The following AKAP6 variants were observed in gnomAD, a reference collection of about 807,000 sequenced individuals.
AKAP6 encodes the protein A-kinase anchoring protein 6, also known as A-kinase anchor protein 6.
In AKAP6, 58 loss-of-function variants were observed where a neutral mutation model predicts 188.5. The ratio of observed to expected loss-of-function variants is 0.31; its 90% CI spans 0.25 to 0.38. The LOEUF (loss-of-function observed/expected upper bound fraction) is 0.38, where lower values mean the gene tolerates loss of function less well. Ranked by LOEUF, AKAP6 falls within the 10% of genes least tolerant of loss-of-function variation. The pLI, the probability that AKAP6 is intolerant of heterozygous loss-of-function variation, is 1.00. For missense variants in AKAP6, 2,710 were observed against 2,740.0 expected (o/e 0.99, Z 0.24); for synonymous variants, 989 against 998.6 (o/e 0.99, Z 0.18).
chr14:32,695,474 A>G (rs1050635298), intron 8 of AKAP6, among the ~76,000 whole-genome samples: 9 of 152,238 alleles, frequency 5.9e-5, no homozygotes, highest in African/African-American at 2.2e-4. Flanking sequence ...TTTGGAGCTG[A>G]TAGTGATCCT....
intron 4 of AKAP6, among the ~76,000 whole-genome samples, 200 bp from the exon 5 acceptor site, chr14:32,576,920 T>G (rs1286044476): frequency 6.6e-6 from 1 of 152,154 alleles, no homozygotes; most frequent in Non-Finnish European, 1.5e-5. Flanking sequence ...CATTGACAGT[T>G]TCTTTCCCAT....
chr14:32,665,459 G>A (rs74041654), intron 7 of AKAP6, among the ~76,000 whole-genome samples: 8,181 of 152,004 alleles, frequency 0.054, 764 homozygotes, highest in African/African-American at 0.19. Flanking sequence ...GATGCATAGG[G>A]CGAGAAATAG....
intron 12 of AKAP6, 77 bp downstream of exon 12, chr14:32,773,970 G>A: frequency 4.8e-6 from 7 of 1,460,230 alleles, no homozygotes; most frequent in Non-Finnish European, 6.6e-6. Context: ...CTTGGAAACG[G>A]TGTTCATCTT....
In AKAP6 at chr14:32,773,820, G is replaced by T. The variant is rs753703584; in HGVS notation, c.3515G>T (p.Arg1172Ile). Residue 1172 changes from arginine (R) to isoleucine (I), a missense_variant, in exon 12 of 14, where the codon AGA becomes ATA. By Grantham distance (97) the Arg-to-Ile change is moderately conservative. This residue lies in a region of AKAP6 where 2,473 missense variants were observed against 2,426.1 expected (regional missense o/e 1.02). Coordinates refer to ENST00000280979, the MANE Select transcript of AKAP6 (RefSeq NM_004274.5). ...PMQLIIVNLE[R>I]RWEAIVMQAV... ...CAGCTGATCATTGTAAATCTTGAAAGAAGGTGGGAAGCCATTGTCATGCAA... is the reference window on the plus strand; with the variant it reads ...CAGCTGATCATTGTAAATCTTGAAATAAGGTGGGAAGCCATTGTCATGCAA... 1 of 1,614,112 alleles carries T rather than the reference G, an allele frequency of 6.2e-7. No homozygotes were observed. The highest frequency in any genetic ancestry group is 8.5e-7 in the Non-Finnish European group (1 of 1,179,990).
chr14:32,368,676 G>T (rs1184041999), intron 1 of AKAP6, among the ~76,000 whole-genome samples: 1 of 151,948 alleles, frequency 6.6e-6, no homozygotes, highest in African/African-American at 2.4e-5. Flanking sequence ...GTGAATAGAG[G>T]GCAGAGATGA....
At chr14:32,721,703 A>T (rs1256638419) in intron 9 of AKAP6, among the ~76,000 whole-genome samples, 1 of 152,182 alleles carries the variant, frequency 6.6e-6, no homozygotes, top group Non-Finnish European at 1.5e-5. Context: ...GTTTTTCTGC[A>T]TGAGAATCTT....
At chr14:32,370,473 T>C (rs749721069) in intron 1 of AKAP6, among the ~76,000 whole-genome samples, 37 of 152,140 alleles carry the variant, frequency 2.4e-4, no homozygotes, top group Non-Finnish European at 2.9e-4. Flanking sequence ...ATGAGGGAGT[T>C]TGATTCCCTA....
intron 2 of AKAP6, among the ~76,000 whole-genome samples, chr14:32,524,768 T>C (rs1882036828): frequency 6.6e-6 from 1 of 152,212 alleles, no homozygotes; most frequent in South Asian, 2.1e-4. Flanking sequence ...AGCAGCAGGC[T>C]TGCACGTAGT....
Position 32,824,508 on chromosome 14 carries a change from C to G in AKAP6, c.6695C>G (p.Pro2232Arg). The change falls in exon 13 of 14, where the codon CCC (proline) becomes CGC (arginine). Residue 2232 changes from proline to arginine, a missense_variant. Around this residue, in one of 2 missense-constraint regions of AKAP6, gnomAD observed 2,473 missense variants for 2,426.1 expected, o/e 1.02. Transcript: ENST00000280979. ...GTTGGAAAGGAAGTGAATGGTTTGC[C>G]CCAAACTTCCAGTGGCTGTGCAGAA... Reference protein sequence around the residue: ...AEVGKEVNGLPQTSSGCAENL... With the variant: ...AEVGKEVNGLRQTSSGCAENL... 1 of 1,613,954 alleles carries G rather than the reference C, an allele frequency of 6.2e-7. No homozygotes were observed. Among genetic ancestry groups the G allele is most frequent in the Non-Finnish European group, 8.5e-7 (1 of 1,179,962 alleles).
intron 8 of AKAP6, among the ~76,000 whole-genome samples, chr14:32,682,995 C>CTTTTTTTTTTGTTTTTG (rs1889754195): frequency 1.4e-5 from 2 of 142,256 alleles, no homozygotes; most frequent in African/African-American, 5.3e-5. Flanking sequence ...TTTTTTCTTC[C>CTTTTTTTTTTGTTTTTG]TTTTTTTTTT....
chr14:32,569,008 T>C (rs1884336177), intron 4 of AKAP6, among the ~76,000 whole-genome samples: 1 of 152,198 alleles, frequency 6.6e-6, no homozygotes, highest in Non-Finnish European at 1.5e-5. Context: ...GTTAGATGAA[T>C]CCCTTTCCCA....
chr14:32,672,475 A>G (rs1950692), intron 7 of AKAP6, among the ~76,000 whole-genome samples: 49,054 of 151,994 alleles, frequency 0.32, 9,638 homozygotes, highest in East Asian at 0.59. Context: ...ACAGATGGCC[A>G]CCTTCTTGCT....
intron 12 of AKAP6, among the ~76,000 whole-genome samples, chr14:32,810,679 G>A (rs996605276): frequency 2.1e-4 from 32 of 152,170 alleles, no homozygotes; most frequent in Non-Finnish European, 4.1e-4. Flanking sequence ...CTTCCCAGTC[G>A]TTTTTATGGA....
At chr14:32,427,273 G>C (rs17099069) in intron 1 of AKAP6, among the ~76,000 whole-genome samples, 1 of 152,188 alleles carries the variant, frequency 6.6e-6, no homozygotes, top group Non-Finnish European at 1.5e-5. Flanking sequence ...GTTACTCTGC[G>C]TGAGTGCTGG....
chr14:32,696,965 CATATT>C (rs1890429643), intron 9 of AKAP6, among the ~76,000 whole-genome samples: 1 of 152,000 alleles, frequency 6.6e-6, no homozygotes, highest in African/African-American at 2.4e-5. Context: ...GAGCATATGG[CATATT>C]TCAAAGAGCA....
Position 32,433,492 on chromosome 14 carries a change from C to T in AKAP6, c.-2C>T, listed in dbSNP as rs1890281940. The T allele has an allele frequency of 6.2e-7, 1 of 1,612,960 alleles. No homozygotes were observed. The highest frequency in any genetic ancestry group is 1.7e-4 in the Middle Eastern group (1 of 6,056). On this transcript the variant is annotated 5_prime_UTR_variant, in exon 2 of 14. Coordinates refer to ENST00000280979, the MANE Select transcript of AKAP6 (RefSeq NM_004274.5). ...GGAAAGAAGTGAGGTTTAGACTTCT[C>T]CATGTTAACCATGAGCGTGACACTT...
chr14:32,646,836 G>A (rs1286811262), intron 7 of AKAP6, among the ~76,000 whole-genome samples: 1 of 152,056 alleles, frequency 6.6e-6, no homozygotes, highest in African/African-American at 2.4e-5. Context: ...AAAGGGAAAA[G>A]GAGTACAGTG....
intron 2 of AKAP6, among the ~76,000 whole-genome samples, chr14:32,483,667 G>T (rs8005890): frequency 2.6e-5 from 4 of 151,720 alleles, no homozygotes; most frequent in Admixed American, 6.6e-5. Context: ...TATTTTTAGT[G>T]GAGACGGGGT....
chr14:32,356,194 C>A (rs549062485), intron 1 of AKAP6, among the ~76,000 whole-genome samples: 2 of 152,320 alleles, frequency 1.3e-5, no homozygotes, highest in African/African-American at 4.8e-5. Flanking sequence ...CCTTCACATT[C>A]TCAGACTTCC....
Sources: allele counts gnomAD v4.1 joint callset (sites outside exome capture counted in the v4.1 genomes callset), GRCh38; gene constraint gnomAD v4.1.1; regional missense constraint gnomAD v4.1.1; transcripts MANE v1.5; gene names NCBI Gene and HGNC (gene_info 2026-07-23, HGNC 2026-07-21).